Variants in GLCE observed in about 807,000 individuals in gnomAD.
The protein encoded by GLCE is D-glucuronyl C5-epimerase.
Under a neutral mutation model 47.9 loss-of-function variants are expected in GLCE, and 19 were observed. The observed-to-expected ratio is 0.40, with a 90% confidence interval of 0.28 to 0.58. GLCE has a LOEUF of 0.58. Ranked by LOEUF, GLCE falls within the 20% of genes least tolerant of loss-of-function variation. The pLI is 0.48. For missense variants in GLCE, 556 were observed against 743.3 expected, an observed-to-expected ratio of 0.75 and a Z score of 2.93; for synonymous variants, 245 against 263.4, an observed-to-expected ratio of 0.93 and a Z score of 0.68.
chr15:69,268,278 T>A lies in GLCE; in HGVS notation c.888T>A (p.Phe296Leu). The change falls in exon 5 of 5, where the codon TTT (phenylalanine) becomes TTA (leucine). Residue 296 changes from phenylalanine to leucine, a missense_variant. Coordinates refer to ENST00000261858, the MANE Select transcript of GLCE (RefSeq NM_015554.3). The part of the protein sequence containing the change: ...LGNTKDFIIS[F>L]DLKFLTNGSV... The stretch of plus-strand genomic sequence containing the variant: ...ACACAAAAGATTTTATTATTTCATT[T>A]GACCTCAAGTTCTTGACAAATGGAA... The A allele has an allele frequency of 6.2e-7, 1 of 1,611,892 alleles. No homozygotes were observed. Among genetic ancestry groups the A allele is most frequent in the Middle Eastern group, 1.7e-4 (1 of 6,048 alleles).
intron 4 of GLCE, 138 bp downstream of exon 4, chr15:69,261,467 C>A: frequency 1.3e-6 from 1 of 790,372 alleles, no homozygotes; most frequent in Non-Finnish European, 2.0e-6. Context: ...CAAATGGTGT[C>A]ACCCCAATGA....
chr15:69,171,750 C>A (rs1364923465), intron 1 of GLCE, among the ~76,000 whole-genome samples: 1 of 152,052 alleles, frequency 6.6e-6, no homozygotes, highest in Non-Finnish European at 1.5e-5. Context: ...TTGGGAATGA[C>A]TATTGTTTAC....
chr15:69,216,979 A>T (rs1363015870), intron 2 of GLCE, among the ~76,000 whole-genome samples: 1 of 152,068 alleles, frequency 6.6e-6, no homozygotes, highest in Non-Finnish European at 1.5e-5. Flanking sequence ...GTCATTACAT[A>T]TGGGAAGATG....
At position 69,269,279 on chromosome 15, in the gene GLCE, G is replaced by A. The variant is rs1199554174; in HGVS notation, c.*35G>A. ...CCAAAACTGCACTTCAGCCTCTGCT[G>A]TACACAGAAACTACAGGCTCTGTCT... On this transcript the variant is annotated 3_prime_UTR_variant, in exon 5 of 5. Transcript: ENST00000261858. The A allele has an allele frequency of 1.6e-5, 25 of 1,554,462 alleles. No individual in the cohort carries two copies. Among genetic ancestry groups the A allele is most frequent in the Non-Finnish European group, 2.0e-5 (23 of 1,130,980 alleles).
intron 1 of GLCE, among the ~76,000 whole-genome samples, chr15:69,207,066 C>G (rs1309917369): frequency 6.6e-6 from 1 of 152,046 alleles, no homozygotes; most frequent in Admixed American, 6.6e-5. Flanking sequence ...TAACAGAAAC[C>G]TGGCCTTATC....
intron 2 of GLCE, among the ~76,000 whole-genome samples, chr15:69,216,136 G>A (rs1303669454): frequency 6.6e-6 from 1 of 152,026 alleles, no homozygotes; most frequent in African/African-American, 2.4e-5. Flanking sequence ...TGCATCGTAG[G>A]AATCTATCCA....
intron 2 of GLCE, among the ~76,000 whole-genome samples, chr15:69,213,560 CCTATTACTGGTAATGTT>C (rs1358075953): frequency 3.9e-5 from 6 of 152,084 alleles, no homozygotes; most frequent in Admixed American, 1.3e-4. Flanking sequence ...GTCAGAATGT[CCTATTACTGGTAATGTT>C]AACCTTGATC....
At chr15:69,263,025 A>C (rs117629768) in intron 4 of GLCE, among the ~76,000 whole-genome samples, 6,471 of 152,268 alleles carry the variant, frequency 0.042, 197 homozygotes, top group Middle Eastern at 0.078. Context: ...ATATTATAAT[A>C]TTTTTAATAA....
chr15:69,241,132 A>G (rs2052666280), intron 2 of GLCE, among the ~76,000 whole-genome samples: 1 of 152,188 alleles, frequency 6.6e-6, no homozygotes. Context: ...GAAAACATAC[A>G]AGTTGTTCAC....
intron 1 of GLCE, among the ~76,000 whole-genome samples, chr15:69,195,875 G>A (rs918563070): frequency 3.9e-5 from 6 of 152,106 alleles, no homozygotes; most frequent in Non-Finnish European, 5.9e-5. Flanking sequence ...TCCTACTATT[G>A]CCAGGTACTG....
intron 1 of GLCE, among the ~76,000 whole-genome samples, chr15:69,209,398 A>G (rs1279699236): frequency 6.6e-6 from 1 of 151,846 alleles, no homozygotes; most frequent in Non-Finnish European, 1.5e-5. Flanking sequence ...AAATGTTGAT[A>G]TATTTGTTTT....
chr15:69,255,621 C>G (rs183401377), intron 2 of GLCE, among the ~76,000 whole-genome samples, 173 bp from the exon 3 acceptor site: 33 of 152,038 alleles, frequency 2.2e-4, no homozygotes, highest in African/African-American at 7.7e-4. Context: ...AAGGAGGAAG[C>G]ACCTCTTACC....
At chr15:69,174,056 C>G (rs1396588214) in intron 1 of GLCE, among the ~76,000 whole-genome samples, 1 of 151,270 alleles carries the variant, frequency 6.6e-6, no homozygotes, top group African/African-American at 2.4e-5. Context: ...GGGGCTTTGC[C>G]ATGTTGCCCA....
chr15:69,220,935 T>C (rs2052369270), intron 2 of GLCE, among the ~76,000 whole-genome samples: 1 of 152,204 alleles, frequency 6.6e-6, no homozygotes, highest in South Asian at 2.1e-4. Flanking sequence ...CTTTCATCTA[T>C]TTTTGCATAT....
chr15:69,176,155 C>T (rs1249431170), intron 1 of GLCE, among the ~76,000 whole-genome samples: 1 of 149,546 alleles, frequency 6.7e-6, no homozygotes, highest in Non-Finnish European at 1.5e-5. Context: ...TTTTGCATTA[C>T]CACATATTAA....
At chr15:69,261,393 T>TA in intron 4 of GLCE, 64 bp downstream of exon 4, 1 of 1,482,840 alleles carries the variant, frequency 6.7e-7, no homozygotes, top group Non-Finnish European at 9.2e-7. Context: ...GATAGTCCCT[T>TA]AAAATTTTAA....
chr15:69,237,902 A>G (rs1272997185), intron 2 of GLCE, among the ~76,000 whole-genome samples: 3 of 152,202 alleles, frequency 2.0e-5, no homozygotes, highest in Non-Finnish European at 4.4e-5. Flanking sequence ...CAGCTGGAGA[A>G]GCCTGAAACT....
chr15:69,199,253 C>A (rs569174166), intron 1 of GLCE, among the ~76,000 whole-genome samples: 1 of 152,164 alleles, frequency 6.6e-6, no homozygotes, highest in Non-Finnish European at 1.5e-5. Context: ...TCAAGAAAAT[C>A]AGAATACATG....
chr15:69,245,699 T>C (rs1039060174), intron 2 of GLCE, among the ~76,000 whole-genome samples: 10 of 152,150 alleles, frequency 6.6e-5, no homozygotes, highest in Non-Finnish European at 1.2e-4. Flanking sequence ...TTATGTGATA[T>C]TCCAAATCCT....
Sources: allele counts gnomAD v4.1 joint callset (sites outside exome capture counted in the v4.1 genomes callset), GRCh38; gene constraint gnomAD v4.1.1; transcripts MANE v1.5; gene names NCBI Gene and HGNC (gene_info 2026-07-23, HGNC 2026-07-21).